PDE8A: variants seen among roughly 807,000 people sequenced by gnomAD.
PDE8A encodes high affinity cAMP-specific and IBMX-insensitive 3',5'-cyclic phosphodiesterase 8A.
Under a neutral mutation model 105.0 loss-of-function variants are expected in PDE8A, and 59 were observed. The observed-to-expected ratio is 0.56, with a 90% CI of 0.46 to 0.70. The LOEUF is 0.70. PDE8A is among the 30% of genes least tolerant of loss of function. The pLI is 0.00. For missense variants in PDE8A, 1,014 were observed against 1,045.9 expected (o/e 0.97, Z 0.42); for synonymous variants, 355 against 371.9 (o/e 0.95, Z 0.52).
chr15:85,058,407 A>G (rs554578447), intron 1 of PDE8A, among the ~76,000 whole-genome samples: 1 of 152,316 alleles, frequency 6.6e-6, no homozygotes, highest in South Asian at 2.1e-4. Flanking sequence ...TATCAAGGTA[A>G]TACTGGCGTC....
At chr15:85,133,563 C>G (rs530858047) in intron 20 of PDE8A, among the ~76,000 whole-genome samples, 3 of 152,248 alleles carry the variant, frequency 2.0e-5, no homozygotes, top group East Asian at 3.9e-4. Context: ...TGGGCATTCA[C>G]TTGGTTGCTG....
At chr15:85,031,785 G>C (rs2080619402) in intron 1 of PDE8A, among the ~76,000 whole-genome samples, 1 of 152,138 alleles carries the variant, frequency 6.6e-6, no homozygotes, top group African/African-American at 2.4e-5. Flanking sequence ...GTGACGGCCT[G>C]ATTACTATTC....
At chr15:85,134,680 T>G (rs1217615811) in intron 20 of PDE8A, among the ~76,000 whole-genome samples, 1 of 152,212 alleles carries the variant, frequency 6.6e-6, no homozygotes, top group African/African-American at 2.4e-5. Flanking sequence ...CCGTCAACAC[T>G]TACCTAGCAT....
At chr15:85,087,879 G>A (rs1367479890) in intron 6 of PDE8A, among the ~76,000 whole-genome samples, 1 of 152,078 alleles carries the variant, frequency 6.6e-6, no homozygotes, top group East Asian at 1.9e-4. Flanking sequence ...AATGCTTATT[G>A]AAAATAATTA....
chr15:85,000,285 T>C (rs7178852), intron 1 of PDE8A, among the ~76,000 whole-genome samples: 2,786 of 152,348 alleles, frequency 0.018, 81 homozygotes, highest in African/African-American at 0.063. Context: ...AGCTGTGTTA[T>C]AATCCTTTCA....
intron 1 of PDE8A, among the ~76,000 whole-genome samples, chr15:85,008,471 G>T (rs1428163600): frequency 6.6e-6 from 1 of 151,894 alleles, no homozygotes; most frequent in East Asian, 1.9e-4. Flanking sequence ...CCCCAGTTCA[G>T]TTGGAGAAAG....
chr15:85,053,283 A>G (rs1358229385), intron 1 of PDE8A, among the ~76,000 whole-genome samples: 2 of 152,230 alleles, frequency 1.3e-5, no homozygotes, highest in African/African-American at 2.4e-5. Flanking sequence ...CTTTTGGCTT[A>G]GGATTGTCTT....
At chr15:84,989,806 GATCTCAT>G (rs1321882901) in intron 1 of PDE8A, among the ~76,000 whole-genome samples, 6 of 152,140 alleles carry the variant, frequency 3.9e-5, no homozygotes, top group African/African-American at 1.4e-4. Flanking sequence ...TTTTAACGCA[GATCTCAT>G]TTTTAATATA....
rs533148075 is a variant in PDE8A at position 85,041,454 on chromosome 15, C to A, written c.187-22916C>A. On this transcript the variant is annotated intron_variant, in intron 1 of 21. Coordinates refer to ENST00000394553, the MANE Select transcript of PDE8A (RefSeq NM_002605.3). ...AGAGGATGGTGCTGGATGTCCTCTG[C>A]ACCAGCAGCTGTGGAGATGCACATC... Among the ~76,000 whole-genome samples the A allele has an allele frequency of 5.9e-5, 9 of 152,318 alleles. No individual in the cohort carries two copies. In the East Asian group the frequency reaches 1.7e-3, roughly 29 times the overall value.
At chr15:85,017,743 C>T (rs905975547) in intron 1 of PDE8A, among the ~76,000 whole-genome samples, 12 of 151,740 alleles carry the variant, frequency 7.9e-5, no homozygotes, top group African/African-American at 2.9e-4. Flanking sequence ...AAATATTAGC[C>T]GGGTGTGGTG....
chr15:85,035,175 G>C (rs1332208608), intron 1 of PDE8A, among the ~76,000 whole-genome samples: 1 of 148,124 alleles, frequency 6.8e-6, no homozygotes, highest in East Asian at 2.0e-4. Context: ...AGCAGGAGCA[G>C]GACCTCACCT....
At chr15:85,064,083 G>A in intron 1 of PDE8A, 2 of 304,414 alleles carry the variant, frequency 6.6e-6, no homozygotes, top group Non-Finnish European at 1.2e-5. Context: ...TTGAGGCTGA[G>A]GAAGATTAAT....
chr15:85,026,817 T>G (rs552679710), intron 1 of PDE8A, among the ~76,000 whole-genome samples: 14 of 151,724 alleles, frequency 9.2e-5, no homozygotes, highest in Admixed American at 2.6e-4. Flanking sequence ...ATAAAACAAG[T>G]TAGAATATAG....
chr15:85,004,580 A>G (rs534607701), intron 1 of PDE8A, among the ~76,000 whole-genome samples: 3 of 152,130 alleles, frequency 2.0e-5, no homozygotes, highest in African/African-American at 7.2e-5. Context: ...CAGTAAATCC[A>G]CTCTATCGCC....
At chr15:85,033,641 G>A (rs2080653282) in intron 1 of PDE8A, among the ~76,000 whole-genome samples, 1 of 152,142 alleles carries the variant, frequency 6.6e-6, no homozygotes, top group South Asian at 2.1e-4. Context: ...GAGATGGGCA[G>A]ATCACTTGAG....
chr15:85,076,706 T>A, intron 4 of PDE8A, 27 bp from the exon 5 acceptor site: 1 of 1,444,254 alleles, frequency 6.9e-7, no homozygotes, highest in Non-Finnish European at 9.8e-7. Context: ...AAACTATGTC[T>A]ATGTTCTTTA....
intron 1 of PDE8A, among the ~76,000 whole-genome samples, chr15:85,032,348 G>C (rs2080629644): frequency 6.6e-6 from 1 of 152,172 alleles, no homozygotes; most frequent in Non-Finnish European, 1.5e-5. Flanking sequence ...GGATAGTTTT[G>C]TTTGGATTTT....
chr15:85,127,217 C>T (rs1291358478), intron 20 of PDE8A, among the ~76,000 whole-genome samples: 3 of 152,122 alleles, frequency 2.0e-5, no homozygotes, highest in Non-Finnish European at 2.9e-5. Flanking sequence ...ATACAGCTAA[C>T]ATTATATTTA....
At chr15:85,136,761 G>A (rs76523631) in intron 21 of PDE8A, 98 bp downstream of exon 21, 5 of 1,225,828 alleles carry the variant, frequency 4.1e-6, no homozygotes, top group Non-Finnish European at 5.6e-6. Context: ...ATGATTTGGG[G>A]CCTGGGCTTT....
Sources: gnomAD v4.1 joint callset for allele counts (sites outside exome capture counted in the v4.1 genomes callset) on GRCh38, gnomAD v4.1.1 for gene constraint, MANE v1.5 for transcripts, NCBI Gene and HGNC (gene_info 2026-07-23, HGNC 2026-07-21) for gene names.